The following ZMIZ1 variants were observed in gnomAD, a reference collection of about 807,000 sequenced individuals.
The protein encoded by ZMIZ1 is zinc finger MIZ-type containing 1, also known as zinc finger MIZ domain-containing protein 1.
ZMIZ1 carries 17 observed loss-of-function variants against 113.9 expected under a neutral mutation model. That is an observed-to-expected ratio of 0.15 (90% CI 0.10 to 0.22). The LOEUF (loss-of-function observed/expected upper bound fraction) is 0.22. ZMIZ1 is among the 10% of genes least tolerant of loss of function. The pLI, the probability that ZMIZ1 is intolerant of heterozygous loss-of-function variation, is 1.00. For synonymous variants in ZMIZ1, 607 were observed against 603.1 expected (o/e 1.01, Z -0.09); for missense variants, 1,059 against 1,477.8 (o/e 0.72, Z 4.65).
At chr10:79,215,166 T>C (rs1010123780) in intron 6 of ZMIZ1, among the ~76,000 whole-genome samples, 1 of 152,170 alleles carries the variant, frequency 6.6e-6, no homozygotes, top group African/African-American at 2.4e-5. Context: ...TCCTGCGGTT[T>C]CTAGCTGAGG....
intron 1 of ZMIZ1, among the ~76,000 whole-genome samples, chr10:79,070,258 G>A (rs1842218371): frequency 6.6e-6 from 1 of 151,934 alleles, no homozygotes; most frequent in African/African-American, 2.4e-5. Context: ...GCGGGCGCGC[G>A]TCGCCCCCTC....
At chr10:79,289,325 C>T (rs147657014) in intron 8 of ZMIZ1, among the ~76,000 whole-genome samples, 2 of 152,280 alleles carry the variant, frequency 1.3e-5, no homozygotes, top group East Asian at 1.9e-4. Context: ...GAAGGGCTGA[C>T]ACCCTCAGAC....
At chr10:79,133,054 C>T (rs1369868280) in intron 2 of ZMIZ1, among the ~76,000 whole-genome samples, 27 of 152,170 alleles carry the variant, frequency 1.8e-4, no homozygotes, top group Admixed American at 1.8e-3. Context: ...TCCCTTGATT[C>T]AGACCTTTCC....
At chr10:79,209,427 C>T (rs549661764) in intron 6 of ZMIZ1, among the ~76,000 whole-genome samples, 23 of 152,338 alleles carry the variant, frequency 1.5e-4, no homozygotes, top group Admixed American at 6.5e-5. Flanking sequence ...GCCATGTGGC[C>T]TGTGTCCATA....
intron 2 of ZMIZ1, among the ~76,000 whole-genome samples, chr10:79,129,356 T>G (rs923978947): frequency 6.6e-6 from 1 of 152,208 alleles, no homozygotes; most frequent in East Asian, 1.9e-4. Context: ...CTGTCACTTG[T>G]GGGCAAACCA....
intron 2 of ZMIZ1, among the ~76,000 whole-genome samples, chr10:79,123,100 G>C (rs916980529): frequency 1.3e-5 from 2 of 152,210 alleles, no homozygotes; most frequent in African/African-American, 2.4e-5. Flanking sequence ...AGGTGAGAAG[G>C]CCCTAGCTGG....
At chr10:79,288,961 G>C (rs563211227) in intron 8 of ZMIZ1, among the ~76,000 whole-genome samples, 8 of 152,190 alleles carry the variant, frequency 5.3e-5, no homozygotes, top group Non-Finnish European at 8.8e-5. Context: ...TTGGTAGAGA[G>C]GAGGCAGTGT....
chr10:79,309,039 G>A (rs536289828), intron 23 of ZMIZ1, among the ~76,000 whole-genome samples: 1 of 152,304 alleles, frequency 6.6e-6, no homozygotes, highest in African/African-American at 2.4e-5. Context: ...AAGTGCGGAT[G>A]TGCCAGGCCG....
intron 22 of ZMIZ1, 33 bp from the exon 23 acceptor site, chr10:79,307,372 A>AC: frequency 3.9e-6 from 5 of 1,268,176 alleles, no homozygotes; most frequent in Admixed American, 1.9e-5. Flanking sequence ...CCTCTGGGTG[A>AC]CCCCCTCCCC....
chr10:79,094,476 A>C (rs2132237961), intron 1 of ZMIZ1, among the ~76,000 whole-genome samples: 1 of 152,352 alleles, frequency 6.6e-6, no homozygotes, highest in South Asian at 2.1e-4. Context: ...GGCTTTCTAG[A>C]GCCAGATTCC....
chr10:79,279,292 T>C (rs150741668), intron 8 of ZMIZ1, among the ~76,000 whole-genome samples: 13,722 of 144,524 alleles, frequency 0.095, 649 homozygotes, highest in Middle Eastern at 0.17. Flanking sequence ...GATGGGGTGG[T>C]GGCGGGGCAG....
intron 2 of ZMIZ1, among the ~76,000 whole-genome samples, chr10:79,129,391 C>T (rs2132363993): frequency 6.6e-6 from 1 of 152,340 alleles, no homozygotes; most frequent in East Asian, 1.9e-4. Flanking sequence ...CCAAGGCCTG[C>T]CTGAGTCCAC....
At chr10:79,140,845 C>T (rs113849310) in intron 3 of ZMIZ1, among the ~76,000 whole-genome samples, 12 of 152,212 alleles carry the variant, frequency 7.9e-5, no homozygotes, top group South Asian at 4.2e-4. Context: ...TGCAGTGACA[C>T]GAACATGATT....
chr10:79,303,728 C>T (rs148501681), intron 18 of ZMIZ1, among the ~76,000 whole-genome samples: 94 of 152,328 alleles, frequency 6.2e-4, no homozygotes, highest in African/African-American at 2.1e-3. Context: ...CAGACATGCC[C>T]CTTCCTCGCG....
At position 79,069,894 on chromosome 10, in the gene ZMIZ1, A is replaced by AGGG. The variant is rs199563368; in HGVS notation, c.-337+626_-337+627insGGG. ...CGCGCGGTACAAACGAGAAACGCGG[A>AGGG]GGTGTGTGTGCAGGGTTTTCTCCCA... On this transcript the variant is annotated intron_variant, in intron 1 of 24. Coordinates refer to ENST00000334512, the MANE Select transcript of ZMIZ1 (RefSeq NM_020338.4). This position sits in a 1 kb window ranked among gnomAD's most constrained non-coding sequence, Gnocchi z 4.6. 6.6e-6 allele frequency among the ~76,000 whole-genome samples: 1 copy of AGGG among 151,360 alleles called. No homozygotes were observed. Among genetic ancestry groups the AGGG allele is most frequent in the South Asian group, 2.1e-4 (1 of 4,790 alleles).
intron 19 of ZMIZ1, among the ~76,000 whole-genome samples, chr10:79,304,523 A>G (rs572835322): frequency 1.2e-4 from 19 of 152,210 alleles, no homozygotes; most frequent in African/African-American, 3.6e-4. Flanking sequence ...GCATCAAGTC[A>G]GTGTTCAGGA....
intron 7 of ZMIZ1, among the ~76,000 whole-genome samples, chr10:79,220,346 G>A (rs532431510): frequency 4.1e-4 from 62 of 152,310 alleles, no homozygotes; most frequent in African/African-American, 1.4e-3. Flanking sequence ...GGCCCCTTCT[G>A]TGGCAGCAAG....
intron 1 of ZMIZ1, among the ~76,000 whole-genome samples, chr10:79,089,834 G>T (rs898112129): frequency 6.6e-6 from 1 of 150,876 alleles, no homozygotes. Flanking sequence ...CCAGGCACAT[G>T]TCCATGTGTG....
At chr10:79,144,521 C>G (rs1295616757) in intron 3 of ZMIZ1, among the ~76,000 whole-genome samples, 6 of 152,160 alleles carry the variant, frequency 3.9e-5, no homozygotes, top group Non-Finnish European at 7.3e-5. Flanking sequence ...GTCCCCACCC[C>G]ACCCCACAAG....
Sources: gnomAD v4.1 joint callset for allele counts (sites outside exome capture counted in the v4.1 genomes callset) on GRCh38, gnomAD v4.1.1 for gene constraint, Gnocchi (gnomAD v3.1) non-coding constraint, MANE v1.5 for transcripts, NCBI Gene and HGNC (gene_info 2026-07-23, HGNC 2026-07-21) for gene names.